The following SPMIP2 variants were observed in gnomAD, a reference collection of about 807,000 sequenced individuals.
The protein encoded by SPMIP2 is sperm microtubule inner protein 2, also known as protein SPMIP2.
chr4:159,043,662 TA>T, the SPMIP2 span, among the ~76,000 whole-genome samples: 1 of 152,210 alleles, frequency 6.6e-6, no homozygotes, highest in African/African-American at 2.4e-5. Flanking sequence ...ATTTATTTTT[TA>T]AAAATACAAT....
chr4:159,032,942 C>A, the SPMIP2 span, among the ~76,000 whole-genome samples: 1 of 152,044 alleles, frequency 6.6e-6, no homozygotes, highest in Non-Finnish European at 1.5e-5. Flanking sequence ...CAATTACTCT[C>A]CTAGGTATTT....
chr4:158,956,250 C>A, the SPMIP2 span, among the ~76,000 whole-genome samples: 1 of 152,242 alleles, frequency 6.6e-6, no homozygotes, highest in Non-Finnish European at 1.5e-5. Flanking sequence ...ACATCACAAT[C>A]ATTTGTAGGG....
the SPMIP2 span, among the ~76,000 whole-genome samples, chr4:158,936,892 C>T: frequency 6.6e-6 from 1 of 152,350 alleles, no homozygotes; most frequent in East Asian, 1.9e-4. Flanking sequence ...AAAACACTCC[C>T]TTTTGTCCTT....
At chr4:159,007,908 AT>A in the SPMIP2 span, 10 of 442,986 alleles carry the variant, frequency 2.3e-5, no homozygotes, top group African/African-American at 2.0e-4. Flanking sequence ...TAATTACATA[AT>A]AACAATGTAG....
At chr4:159,046,120 C>T in the SPMIP2 span, among the ~76,000 whole-genome samples, 1 of 151,872 alleles carries the variant, frequency 6.6e-6, no homozygotes, top group African/African-American at 2.4e-5. Flanking sequence ...GTGCCAGCTA[C>T]TTGGGAGGCT....
the SPMIP2 span, among the ~76,000 whole-genome samples, chr4:158,960,558 C>T: frequency 6.6e-6 from 1 of 152,096 alleles, no homozygotes; most frequent in Non-Finnish European, 1.5e-5. Context: ...AGACCCTATG[C>T]GCTTTACTTT....
chr4:159,036,805 T>C, the SPMIP2 span, among the ~76,000 whole-genome samples: 2 of 152,224 alleles, frequency 1.3e-5, no homozygotes, highest in Non-Finnish European at 2.9e-5. Context: ...TACCTTCCTA[T>C]GGCCTGCTAC....
chr4:158,988,114 C>CATTT, the SPMIP2 span, among the ~76,000 whole-genome samples: 1 of 152,122 alleles, frequency 6.6e-6, no homozygotes, highest in Non-Finnish European at 1.5e-5. Context: ...CTATAAACAG[C>CATTT]TGTACGCAAA....
the SPMIP2 span, among the ~76,000 whole-genome samples, chr4:158,964,181 AC>A: frequency 4.2e-5 from 3 of 71,842 alleles, no homozygotes; most frequent in African/African-American, 8.5e-5. Flanking sequence ...ACAAAACAAA[AC>A]AAAACAAAAA....
the SPMIP2 span, among the ~76,000 whole-genome samples, chr4:159,054,860 T>C: frequency 7.7e-6 from 1 of 129,100 alleles, no homozygotes; most frequent in Non-Finnish European, 1.6e-5. Flanking sequence ...CTTCAAACCA[T>C]AATAATCTCT....
At chr4:159,048,541 C>T in the SPMIP2 span, among the ~76,000 whole-genome samples, 1 of 151,968 alleles carries the variant, frequency 6.6e-6, no homozygotes, top group Non-Finnish European at 1.5e-5. Flanking sequence ...TGGACGTAAC[C>T]TAGAGCCACC....
chr4:158,958,249 C>T, the SPMIP2 span, among the ~76,000 whole-genome samples: 1 of 152,196 alleles, frequency 6.6e-6, no homozygotes. Flanking sequence ...ATCCTCCCAC[C>T]TCAGGCTCCT....
At chr4:158,947,921 G>A in the SPMIP2 span, among the ~76,000 whole-genome samples, 1 of 151,994 alleles carries the variant, frequency 6.6e-6, no homozygotes, top group Non-Finnish European at 1.5e-5. Context: ...CCATTTTAAT[G>A]AAATAATTTA....
the SPMIP2 span, among the ~76,000 whole-genome samples, chr4:158,986,006 C>A: frequency 4.1e-5 from 6 of 146,336 alleles, no homozygotes; most frequent in Admixed American, 1.4e-4. Context: ...AAACAGAGAG[C>A]CAAATCATGA....
the SPMIP2 span, among the ~76,000 whole-genome samples, chr4:159,034,065 A>G: frequency 6.6e-6 from 1 of 152,232 alleles, no homozygotes; most frequent in Non-Finnish European, 1.5e-5. Flanking sequence ...TGAACCTGGG[A>G]GGTGGAGGGT....
the SPMIP2 span, among the ~76,000 whole-genome samples, chr4:158,965,335 A>G: frequency 6.6e-6 from 1 of 152,096 alleles, no homozygotes; most frequent in Non-Finnish European, 1.5e-5. Context: ...ATTCTGATTC[A>G]GTCCTTTACC....
At chr4:158,910,105 T>C in the SPMIP2 span, among the ~76,000 whole-genome samples, 2 of 151,902 alleles carry the variant, frequency 1.3e-5, no homozygotes, top group Admixed American at 1.3e-4. Flanking sequence ...GGTCTTGAAC[T>C]CTGGGCCTTA....
chr4:159,033,307 G>A, the SPMIP2 span, among the ~76,000 whole-genome samples: 5 of 151,858 alleles, frequency 3.3e-5, no homozygotes, highest in Admixed American at 2.6e-4. Flanking sequence ...AAGGGGGAGG[G>A]GGGAATGAAT....
At chr4:158,923,118 A>G in the SPMIP2 span, among the ~76,000 whole-genome samples, 2 of 152,212 alleles carry the variant, frequency 1.3e-5, no homozygotes, top group Admixed American at 6.5e-5. Flanking sequence ...CCTTTGATCT[A>G]TATATCTATC....
Sources: gnomAD v4.1 joint callset for allele counts (sites outside exome capture counted in the v4.1 genomes callset) on GRCh38, gnomAD v4.1.1 for gene constraint, MANE v1.5 for transcripts, NCBI Gene and HGNC (gene_info 2026-07-23, HGNC 2026-07-21) for gene names.